The following BTLA variants were observed in gnomAD, a reference collection of about 807,000 sequenced individuals.
The protein encoded by BTLA is B and T lymphocyte associated, also known as B- and T-lymphocyte attenuator.
BTLA carries 11 observed loss-of-function variants against 25.0 expected under a neutral mutation model. That is an observed-to-expected ratio of 0.44 (90% confidence interval 0.28 to 0.73). BTLA has a LOEUF of 0.73. Ranked by LOEUF, BTLA falls within the 30% of genes least tolerant of loss-of-function variation. BTLA has a pLI of 0.15. For missense variants in BTLA, 282 were observed against 332.8 expected (o/e 0.85, Z 1.19); for synonymous variants, 104 against 119.8 (o/e 0.87, Z 0.86).
chr3:112,474,500 A>G (rs1208294584), intron 2 of BTLA, among the ~76,000 whole-genome samples: 16 of 151,716 alleles, frequency 1.1e-4, no homozygotes, highest in Admixed American at 5.3e-4. Flanking sequence ...AAGGAAGTTA[A>G]AAGAAAAAAA....
chr3:112,473,158 G>A (rs1369707397), intron 2 of BTLA, among the ~76,000 whole-genome samples: 1 of 151,520 alleles, frequency 6.6e-6, no homozygotes, highest in Non-Finnish European at 1.5e-5. Flanking sequence ...GAGAAACAAG[G>A]TAAATAACTG....
At chr3:112,493,839 G>A (rs774157156) in intron 1 of BTLA, among the ~76,000 whole-genome samples, 35 of 152,188 alleles carry the variant, frequency 2.3e-4, no homozygotes, top group Non-Finnish European at 4.7e-4. Context: ...CTGGCTGGGC[G>A]CGGTGGCTCA....
intron 2 of BTLA, among the ~76,000 whole-genome samples, chr3:112,476,215 G>A (rs1198575150): frequency 1.3e-5 from 2 of 152,144 alleles, no homozygotes; most frequent in African/African-American, 2.4e-5. Context: ...CGAGCTTCAC[G>A]CTATATTTGC....
chr3:112,467,096 T>C, intron 4 of BTLA, among the ~76,000 whole-genome samples: 1 of 152,108 alleles, frequency 6.6e-6, no homozygotes, highest in East Asian at 1.9e-4. Context: ...TAGCTGGGAC[T>C]ACAGGCGCCC....
chr3:112,484,071 G>A (rs1406441722), intron 1 of BTLA, among the ~76,000 whole-genome samples: 1 of 152,172 alleles, frequency 6.6e-6, no homozygotes, highest in African/African-American at 2.4e-5. Context: ...CTGAACCTTG[G>A]TGAATGAGTA....
chr3:112,492,364 C>T lies in BTLA; in HGVS notation c.88+6907G>A, dbSNP rs184521776. Among the ~76,000 whole-genome samples, 200 of 152,308 alleles carry T rather than the reference C, an allele frequency of 1.3e-3. 1 individual carries two copies. Among genetic ancestry groups the T allele is most frequent in the Non-Finnish European group, 2.0e-3 (137 of 68,030 alleles). ...GAGAGGCTAAATTTTCCACCTTTGTCACAGGGATTTCAGGAAGAAACATAG... is the reference window on the plus strand; with the variant it reads ...GAGAGGCTAAATTTTCCACCTTTGTTACAGGGATTTCAGGAAGAAACATAG... On this transcript the variant is annotated intron_variant, in intron 1 of 4. Transcript: ENST00000334529.
chr3:112,491,199 G>A (rs1330948860), intron 1 of BTLA, among the ~76,000 whole-genome samples: 1 of 152,178 alleles, frequency 6.6e-6, no homozygotes, highest in Admixed American at 6.5e-5. Context: ...CATGAGGTCA[G>A]ATGCCCAATG....
intron 1 of BTLA, among the ~76,000 whole-genome samples, chr3:112,482,030 A>T (rs1417426632): frequency 6.6e-6 from 1 of 152,174 alleles, no homozygotes; most frequent in Non-Finnish European, 1.5e-5. Flanking sequence ...CCTTTACTCC[A>T]GTTTCCAATG....
At chr3:112,489,302 G>A (rs746240281) in intron 1 of BTLA, among the ~76,000 whole-genome samples, 5 of 152,140 alleles carry the variant, frequency 3.3e-5, no homozygotes, top group Non-Finnish European at 7.3e-5. Context: ...AGCTGAGCAA[G>A]TGTAGTTGCT....
At chr3:112,496,342 T>G (rs2082408834) in intron 1 of BTLA, among the ~76,000 whole-genome samples, 1 of 152,164 alleles carries the variant, frequency 6.6e-6, no homozygotes, top group South Asian at 2.1e-4. Flanking sequence ...TTTCTCTAAT[T>G]TTTTAGAGAA....
chr3:112,486,266 C>T (rs900116920), intron 1 of BTLA, among the ~76,000 whole-genome samples: 4 of 152,254 alleles, frequency 2.6e-5, no homozygotes, highest in Middle Eastern at 3.4e-3. Flanking sequence ...ATATATTCCA[C>T]GATCAGGTGG....
intron 1 of BTLA, among the ~76,000 whole-genome samples, chr3:112,491,616 G>A (rs2082380402): frequency 6.6e-6 from 1 of 152,176 alleles, no homozygotes; most frequent in Admixed American, 6.5e-5. Flanking sequence ...TAGGGTTGTT[G>A]TGAAAGCAAA....
chr3:112,472,394 T>C (rs1270736022), intron 2 of BTLA, among the ~76,000 whole-genome samples: 3 of 151,972 alleles, frequency 2.0e-5, no homozygotes, highest in Admixed American at 6.6e-5. Flanking sequence ...GTATGAAAAA[T>C]ACTGGAGTAA....
intron 1 of BTLA, among the ~76,000 whole-genome samples, chr3:112,485,152 C>T (rs900450130): frequency 6.6e-6 from 1 of 152,118 alleles, no homozygotes; most frequent in Non-Finnish European, 1.5e-5. Flanking sequence ...TCAAGCGATT[C>T]TCCTGCCTCA....
intron 1 of BTLA, among the ~76,000 whole-genome samples, chr3:112,498,442 T>TA (rs976269617): frequency 6.6e-6 from 1 of 150,480 alleles, no homozygotes; most frequent in Non-Finnish European, 1.5e-5. Context: ...CTCAAAAAAA[T>TA]AAAAAAATAA....
chr3:112,482,770 G>A (rs562914798), intron 1 of BTLA, among the ~76,000 whole-genome samples: 6 of 152,136 alleles, frequency 3.9e-5, no homozygotes, highest in Non-Finnish European at 8.8e-5. Flanking sequence ...AAACCAAACT[G>A]AAAGGTAAGT....
At chr3:112,468,586 G>A (rs1443372249) in intron 4 of BTLA, among the ~76,000 whole-genome samples, 1 of 152,158 alleles carries the variant, frequency 6.6e-6, no homozygotes, top group East Asian at 1.9e-4. Flanking sequence ...AATTTATCCA[G>A]CCTACCCAGG....
At chr3:112,469,277 A>T (rs2082247107) in intron 4 of BTLA, among the ~76,000 whole-genome samples, 1 of 152,158 alleles carries the variant, frequency 6.6e-6, no homozygotes, top group Non-Finnish European at 1.5e-5. Context: ...TAAGCCAAAG[A>T]TCATGTCTCT....
intron 1 of BTLA, among the ~76,000 whole-genome samples, chr3:112,494,840 C>A (rs552666309): frequency 1.5e-4 from 23 of 152,192 alleles, no homozygotes; most frequent in African/African-American, 5.3e-4. Context: ...ATGTAACAAA[C>A]CTGTACATTT....
Sources: gnomAD v4.1 joint callset for allele counts (sites outside exome capture counted in the v4.1 genomes callset) on GRCh38, gnomAD v4.1.1 for gene constraint, MANE v1.5 for transcripts, NCBI Gene and HGNC (gene_info 2026-07-23, HGNC 2026-07-21) for gene names.